The following MCUR1 variants were observed in gnomAD, a reference collection of about 807,000 sequenced individuals.
MCUR1 encodes the protein MCU regulator 1.
MCUR1 carries 37 observed loss-of-function variants against 42.0 expected under a neutral mutation model. The observed-to-expected ratio is 0.88, with a 90% CI of 0.68 to 1.16. The LOEUF is 1.16. Ranked by LOEUF, MCUR1 falls within the 50% of genes most tolerant of loss-of-function variation. The pLI, the probability that MCUR1 is intolerant of heterozygous loss-of-function variation, is 0.00. For synonymous variants in MCUR1, 229 were observed against 196.2 expected (o/e 1.17, Z -1.40); for missense variants, 469 against 468.4 (o/e 1.00, Z -0.01).
chr6:13,812,133 C>T (rs946054151), intron 1 of MCUR1, among the ~76,000 whole-genome samples: 2 of 152,164 alleles, frequency 1.3e-5, no homozygotes, highest in African/African-American at 4.8e-5. Flanking sequence ...TTTCTGGGGA[C>T]CTTCAGCATA....
In MCUR1 at chr6:13,789,896, G is replaced by C. The variant is rs1759691324; in HGVS notation, c.*913C>G. ...CCATTACAATTGCAATGCTTCTTTA[G>C]ACAGCTGATTTTTCTGGCTGGAAGG... On this transcript the variant is annotated 3_prime_UTR_variant, in exon 9 of 9. Coordinates refer to ENST00000379170, the MANE Select transcript of MCUR1 (RefSeq NM_001031713.4). 6.6e-6 allele frequency: 1 copy of C among 152,122 alleles called. No individual in the cohort carries two copies. The highest frequency in any genetic ancestry group is 2.1e-4 in the South Asian group (1 of 4,824). 9.4% of individuals were successfully genotyped at this position (152,122 alleles called of 1,614,324 possible).
At chr6:13,802,369 A>C in intron 2 of MCUR1, 23 bp from the exon 3 acceptor site, 3 of 1,592,294 alleles carry the variant, frequency 1.9e-6, no homozygotes, top group Non-Finnish European at 2.6e-6. Flanking sequence ...ACAAGCAAAA[A>C]AAATCATGCT....
At chr6:13,803,528 G>T (rs888372439) in intron 2 of MCUR1, among the ~76,000 whole-genome samples, 1 of 152,066 alleles carries the variant, frequency 6.6e-6, no homozygotes, top group Non-Finnish European at 1.5e-5. Flanking sequence ...GTATTTCTTG[G>T]AATAAAGTAG....
chr6:13,795,638 C>T (rs79474319), intron 6 of MCUR1, among the ~76,000 whole-genome samples: 1,627 of 152,246 alleles, frequency 0.011, 33 homozygotes, highest in African/African-American at 0.036. Flanking sequence ...ACAACCTCCC[C>T]GCTAGGTTAC....
intron 1 of MCUR1, among the ~76,000 whole-genome samples, chr6:13,807,411 AAT>A (rs1189933739): frequency 6.6e-6 from 1 of 152,152 alleles, no homozygotes; most frequent in African/African-American, 2.4e-5. Context: ...GGAATCATAT[AAT>A]ATATATAGTC....
chr6:13,814,160 C>T lies in MCUR1; in HGVS notation c.270G>A (p.Gly90=). ...LAAAAPRRQL[G]DWERSRLGYA... is the part of the protein sequence containing the mutation. Reference sequence around the variant, plus strand: ...ACCCGAGGCGCGAGCGCTCCCAGTCCCCGAGCTGCCGGCGCGGGGCTGCGG... The same window carrying T: ...ACCCGAGGCGCGAGCGCTCCCAGTCTCCGAGCTGCCGGCGCGGGGCTGCGG... The change falls in exon 1 of 9, where the codon GGG becomes GGA. Residue 90 remains glycine, a synonymous_variant. Transcript: ENST00000379170. The T allele has an allele frequency of 7.5e-7, 1 of 1,331,114 alleles. No homozygotes were observed. Among genetic ancestry groups the T allele is most frequent in the Non-Finnish European group, 9.5e-7 (1 of 1,048,192 alleles). The allele number at this position is 1,331,114 out of a possible 1,614,324, so 82.5% of individuals were successfully genotyped here.
chr6:13,809,727 C>CA (rs771632728), intron 1 of MCUR1, among the ~76,000 whole-genome samples: 3,793 of 119,512 alleles, frequency 0.032, 170 homozygotes, highest in African/African-American at 0.1. Context: ...GACCTCCTCT[C>CA]AAAAAAAAAA....
chr6:13,806,069 CAT>C (rs1403445117), intron 2 of MCUR1, among the ~76,000 whole-genome samples: 3 of 152,058 alleles, frequency 2.0e-5, no homozygotes, highest in Non-Finnish European at 4.4e-5. Flanking sequence ...GCCTGGCCAA[CAT>C]GGTGAAACCC....
At chr6:13,809,727 CAAA>C (rs771632728) in intron 1 of MCUR1, among the ~76,000 whole-genome samples, 11 of 119,542 alleles carry the variant, frequency 9.2e-5, no homozygotes, top group African/African-American at 3.0e-5. Context: ...GACCTCCTCT[CAAA>C]AAAAAAAAAA....
At chr6:13,806,836 G>T in intron 2 of MCUR1, 89 bp downstream of exon 2, 2 of 1,353,648 alleles carry the variant, frequency 1.5e-6, no homozygotes, top group Non-Finnish European at 2.0e-6. Flanking sequence ...AAGTCAAAGA[G>T]GAACATGAGA....
chr6:13,800,077 C>A (rs1384122715), intron 5 of MCUR1, among the ~76,000 whole-genome samples: 1 of 151,860 alleles, frequency 6.6e-6, no homozygotes, highest in Non-Finnish European at 1.5e-5. Flanking sequence ...GTGATCCACC[C>A]ACCTCGGCCT....
In MCUR1 at chr6:13,787,160, G is replaced by A. The variant is rs1459771043; in HGVS notation, c.*3649C>T. ...TTAACAGACAGGCTTGAAAGGAGAAGGCTAGAAGAGGGAAGATTATGTCAC... is the reference window on the plus strand; with the variant it reads ...TTAACAGACAGGCTTGAAAGGAGAAAGCTAGAAGAGGGAAGATTATGTCAC... On this transcript the variant is annotated 3_prime_UTR_variant, in exon 9 of 9. Transcript: ENST00000379170. 1 of 152,144 alleles carries A rather than the reference G, an allele frequency of 6.6e-6. No homozygotes were observed. The highest frequency in any genetic ancestry group is 1.5e-5 in the Non-Finnish European group (1 of 68,032). 9.4% of individuals were successfully genotyped at this position (152,144 alleles called of 1,614,324 possible).
At chr6:13,812,678 T>C (rs2113484226) in intron 1 of MCUR1, among the ~76,000 whole-genome samples, 1 of 152,354 alleles carries the variant, frequency 6.6e-6, no homozygotes, top group East Asian at 1.9e-4. Flanking sequence ...TAATCAGTTT[T>C]TACCCCAGCC....
At chr6:13,809,764 T>C (rs185553322) in intron 1 of MCUR1, among the ~76,000 whole-genome samples, 29 of 149,406 alleles carry the variant, frequency 1.9e-4, no homozygotes, top group African/African-American at 4.7e-4. Flanking sequence ...TGTGGTGGTG[T>C]GTGCCTGTAT....
chr6:13,798,288 G>C (rs1419823069), intron 6 of MCUR1, among the ~76,000 whole-genome samples: 3 of 151,762 alleles, frequency 2.0e-5, no homozygotes, highest in Non-Finnish European at 4.4e-5. Flanking sequence ...GTACAGACAG[G>C]GTTTCACCAT....
chr6:13,792,068 A>C, intron 7 of MCUR1, 76 bp from the exon 8 acceptor site: 1 of 1,099,672 alleles, frequency 9.1e-7, no homozygotes, highest in Non-Finnish European at 1.4e-6. Flanking sequence ...CTCCTTCCCA[A>C]CGGGGTGCAG....
At chr6:13,809,062 T>C (rs1446633745) in intron 1 of MCUR1, among the ~76,000 whole-genome samples, 2 of 152,154 alleles carry the variant, frequency 1.3e-5, no homozygotes, top group African/African-American at 2.4e-5. Context: ...ATAAACTCTG[T>C]TGTTTGCCAA....
In MCUR1 at chr6:13,803,987, A is replaced by G. The variant is rs190351386; in HGVS notation, c.536-1641T>C. ...TCCATTTTAATGTAAATAAAATTTTAAAAAATTTTAATTAAAAAAAGAGTT... is the reference window on the plus strand; with the variant it reads ...TCCATTTTAATGTAAATAAAATTTTGAAAAATTTTAATTAAAAAAAGAGTT... On this transcript the variant is annotated intron_variant, in intron 2 of 8. Transcript: ENST00000379170. 4.2e-6 allele frequency: 4 copies of G among 957,222 alleles called. No homozygotes were observed. In the Admixed American group the frequency reaches 1.8e-4, roughly 44 times the overall value. 59.3% of individuals were successfully genotyped at this position (957,222 alleles called of 1,614,324 possible).
chr6:13,792,860 C>T (rs1370792184), intron 7 of MCUR1, among the ~76,000 whole-genome samples: 3 of 151,940 alleles, frequency 2.0e-5, no homozygotes, highest in Admixed American at 1.3e-4. Flanking sequence ...TTCAGAGGTC[C>T]CAGGTTCCAT....
Sources: allele counts gnomAD v4.1 joint callset (sites outside exome capture counted in the v4.1 genomes callset), GRCh38; gene constraint gnomAD v4.1.1; transcripts MANE v1.5; gene names NCBI Gene and HGNC (gene_info 2026-07-23, HGNC 2026-07-21).